The following RSRC1 variants were observed in gnomAD, a reference collection of about 807,000 sequenced individuals.
RSRC1 encodes arginine and serine rich coiled-coil 1, also known as serine/Arginine-related protein 53.
RSRC1 carries 39 observed loss-of-function variants against 49.1 expected under a neutral mutation model. That is an observed-to-expected ratio of 0.79 (90% CI 0.61 to 1.04). The LOEUF is 1.04. Ranked by LOEUF, RSRC1 falls within the 50% of genes least tolerant of loss-of-function variation. The pLI, the probability that RSRC1 is intolerant of heterozygous loss-of-function variation, is 0.00. For missense variants in RSRC1, 388 were observed against 402.4 expected (o/e 0.96, Z 0.31); for synonymous variants, 143 against 130.8 (o/e 1.09, Z -0.63).
intron 3 of RSRC1, among the ~76,000 whole-genome samples, chr3:158,141,515 C>CT (rs1247035892): frequency 1.3e-5 from 2 of 152,178 alleles, no homozygotes; most frequent in East Asian, 3.8e-4. Flanking sequence ...ACTTAAATGA[C>CT]TATGCAAGTG....
At chr3:158,141,837 C>T (rs1375062784) in intron 3 of RSRC1, among the ~76,000 whole-genome samples, 2 of 152,188 alleles carry the variant, frequency 1.3e-5, no homozygotes, top group South Asian at 2.1e-4. Context: ...GTGGCTCATG[C>T]CTGTAATCCC....
rs1484295672 is a variant in RSRC1 at position 158,284,374 on chromosome 3, G to A, written c.495-13665G>A. On this transcript the variant is annotated intron_variant, in intron 4 of 9. Coordinates refer to ENST00000611884, the MANE Select transcript of RSRC1 (RefSeq NM_001271838.2). The stretch of plus-strand genomic sequence containing the variant: ...ACATATGTGTGCATGTGTCTTTATA[G>A]CGGCATGATTTATAGTCCTTTGGGT... Among the ~76,000 whole-genome samples, 4 of 146,694 alleles carry A rather than the reference G, an allele frequency of 2.7e-5. No homozygotes were observed. The Admixed American group carries it at 2.7e-4, about 10-fold the overall frequency.
rs115045927 is a variant in RSRC1 at position 158,289,004 on chromosome 3, T to C, written c.495-9035T>C. Among the ~76,000 whole-genome samples, 873 of 152,208 alleles carry C rather than the reference T, an allele frequency of 5.7e-3. 4 individuals are homozygous for C. The highest frequency in any genetic ancestry group is 0.02 in the African/African-American group (841 of 41,536). On this transcript the variant is annotated intron_variant, in intron 4 of 9. Coordinates refer to ENST00000611884, the MANE Select transcript of RSRC1 (RefSeq NM_001271838.2). ...GCTTTTTTTCTGTTGATGATGTTTATGTTGTTATTGTTTTTATTATCCCCT... is the reference window on the plus strand; with the variant it reads ...GCTTTTTTTCTGTTGATGATGTTTACGTTGTTATTGTTTTTATTATCCCCT...
At chr3:158,327,382 C>G (rs1729223680) in intron 5 of RSRC1, among the ~76,000 whole-genome samples, 2 of 152,172 alleles carry the variant, frequency 1.3e-5, no homozygotes, top group Non-Finnish European at 2.9e-5. Context: ...GCTATAAATT[C>G]CCCTCTACAC....
At chr3:158,417,638 T>G (rs1455223744) in intron 6 of RSRC1, among the ~76,000 whole-genome samples, 7 of 151,950 alleles carry the variant, frequency 4.6e-5, no homozygotes, top group Admixed American at 4.6e-4. Flanking sequence ...GATTACACAC[T>G]GTATGCCAGG....
At chr3:158,355,079 G>T (rs944154578) in intron 6 of RSRC1, 171 bp downstream of exon 6, 3 of 443,828 alleles carry the variant, frequency 6.8e-6, no homozygotes, top group Non-Finnish European at 1.2e-5. Flanking sequence ...ATTTATTGCC[G>T]CAGTATAATG....
At chr3:158,341,218 T>A (rs113575144) in intron 5 of RSRC1, among the ~76,000 whole-genome samples, 1 of 151,992 alleles carries the variant, frequency 6.6e-6, no homozygotes, top group Admixed American at 6.5e-5. Context: ...ACATAAGTAG[T>A]AAGGAGCCTC....
At chr3:158,423,620 A>G (rs1185329408) in intron 6 of RSRC1, among the ~76,000 whole-genome samples, 1 of 152,146 alleles carries the variant, frequency 6.6e-6, no homozygotes, top group East Asian at 1.9e-4. Context: ...GAAGAAAGGC[A>G]TTGGTAGCTT....
At chr3:158,393,508 A>G (rs537826516) in intron 6 of RSRC1, among the ~76,000 whole-genome samples, 1 of 152,024 alleles carries the variant, frequency 6.6e-6, no homozygotes. Flanking sequence ...CAGAAATACA[A>G]AAATCCCTCC....
intron 7 of RSRC1, among the ~76,000 whole-genome samples, chr3:158,468,647 A>T (rs1300342366): frequency 1.3e-5 from 2 of 152,188 alleles, no homozygotes; most frequent in Non-Finnish European, 2.9e-5. Flanking sequence ...AGCACTTAGA[A>T]TAATGCCTGA....
At chr3:158,394,833 AC>A (rs1317878669) in intron 6 of RSRC1, among the ~76,000 whole-genome samples, 2 of 152,124 alleles carry the variant, frequency 1.3e-5, no homozygotes, top group Non-Finnish European at 2.9e-5. Flanking sequence ...AATTGAAAAA[AC>A]TATTTTAAAA....
intron 7 of RSRC1, among the ~76,000 whole-genome samples, chr3:158,516,284 G>T (rs1740528912): frequency 6.6e-6 from 1 of 151,908 alleles, no homozygotes; most frequent in South Asian, 2.1e-4. Context: ...TGGTGTGGAT[G>T]TCCTTTCTGT....
intron 6 of RSRC1, among the ~76,000 whole-genome samples, chr3:158,361,147 G>A (rs1255149221): frequency 1.3e-5 from 2 of 152,154 alleles, no homozygotes; most frequent in African/African-American, 4.8e-5. Context: ...GGGAATGTCA[G>A]GCCTGGCGGT....
intron 4 of RSRC1, among the ~76,000 whole-genome samples, chr3:158,205,918 G>A (rs554128153): frequency 7.2e-5 from 11 of 152,260 alleles, no homozygotes; most frequent in African/African-American, 1.7e-4. Context: ...TGTGGCCCAC[G>A]GGCTGCAAGT....
chr3:158,194,366 A>AT (rs1378858099), intron 3 of RSRC1, among the ~76,000 whole-genome samples: 1 of 151,444 alleles, frequency 6.6e-6, no homozygotes, highest in African/African-American at 2.4e-5. Flanking sequence ...GAAGGAAGAA[A>AT]TTTCTTTTTT....
intron 4 of RSRC1, among the ~76,000 whole-genome samples, 175 bp from the exon 5 acceptor site, chr3:158,297,864 T>C (rs1727325007): frequency 6.6e-6 from 1 of 152,030 alleles, no homozygotes; most frequent in Admixed American, 6.6e-5. Context: ...GTAAATCTGA[T>C]ATAAATTATC....
At chr3:158,463,914 C>T (rs560391632) in intron 7 of RSRC1, among the ~76,000 whole-genome samples, 23 of 152,170 alleles carry the variant, frequency 1.5e-4, no homozygotes, top group East Asian at 5.8e-4. Flanking sequence ...TGGTGATAGG[C>T]GCTCACTCTT....
chr3:158,252,407 T>C (rs1460059273), intron 4 of RSRC1, among the ~76,000 whole-genome samples: 1 of 151,846 alleles, frequency 6.6e-6, no homozygotes, highest in Non-Finnish European at 1.5e-5. Context: ...CCTTGTGATC[T>C]GCCCACCTCA....
chr3:158,367,538 C>A (rs1201849271), intron 6 of RSRC1, among the ~76,000 whole-genome samples: 1 of 152,082 alleles, frequency 6.6e-6, no homozygotes, highest in Non-Finnish European at 1.5e-5. Flanking sequence ...TTCAGTTTGC[C>A]AGTATTTTAT....
Sources: gnomAD v4.1 joint callset for allele counts (sites outside exome capture counted in the v4.1 genomes callset) on GRCh38, gnomAD v4.1.1 for gene constraint, MANE v1.5 for transcripts, NCBI Gene and HGNC (gene_info 2026-07-23, HGNC 2026-07-21) for gene names.